The following TCF4 variants were observed in gnomAD, a reference collection of about 807,000 sequenced individuals.
TCF4 encodes the protein SL3-3 enhancer factor 2.
TCF4 carries 3 observed loss-of-function variants against 82.1 expected under a neutral mutation model. The observed-to-expected ratio is 0.04, with a 90% CI of 0.02 to 0.09. The LOEUF (loss-of-function observed/expected upper bound fraction) is 0.09, where lower values mean the gene tolerates loss of function less well. TCF4 is among the 10% of genes least tolerant of loss of function. The probability of loss-of-function intolerance (pLI) is 1.00; values close to 1 mark genes in which losing one functional copy is unlikely to be tolerated. For missense variants in TCF4, 518 were observed against 852.7 expected (o/e 0.61, Z 4.89); for synonymous variants, 276 against 309.6 (o/e 0.89, Z 1.14).
chr18:55,288,580 A>G (rs929628688), intron 8 of TCF4, among the ~76,000 whole-genome samples: 1 of 152,220 alleles, frequency 6.6e-6, no homozygotes, highest in Admixed American at 6.5e-5. Context: ...ACCAAAACCC[A>G]GCTTTGTAGA....
At chr18:55,390,923 C>A (rs905323756) in intron 6 of TCF4, among the ~76,000 whole-genome samples, 3 of 152,184 alleles carry the variant, frequency 2.0e-5, no homozygotes, top group Admixed American at 1.3e-4. Context: ...AGGACTTGCA[C>A]CCTCAAAAAA....
chr18:55,309,260 C>G (rs910582912), intron 8 of TCF4, among the ~76,000 whole-genome samples: 1 of 150,958 alleles, frequency 6.6e-6, no homozygotes, highest in African/African-American at 2.4e-5. Flanking sequence ...TATAGATGAG[C>G]GCTACCATGC....
At chr18:55,393,168 A>C (rs911192207) in intron 6 of TCF4, among the ~76,000 whole-genome samples, 1 of 152,176 alleles carries the variant, frequency 6.6e-6, no homozygotes, top group Non-Finnish European at 1.5e-5. Context: ...AATTTGAGAC[A>C]GCCTGGACAA....
chr18:55,257,730 T>C (rs1012345163), intron 13 of TCF4, among the ~76,000 whole-genome samples: 6 of 152,180 alleles, frequency 3.9e-5, no homozygotes, highest in African/African-American at 1.2e-4. Context: ...AAATGGGATT[T>C]TGTTAGACCT....
chr18:55,297,674 T>G (rs1054198149), intron 8 of TCF4, among the ~76,000 whole-genome samples: 3 of 152,110 alleles, frequency 2.0e-5, no homozygotes, highest in East Asian at 3.9e-4. Context: ...TCAAGTGTGG[T>G]CTGATGGTTG....
At chr18:55,303,259 A>ACG (rs2068969689) in intron 8 of TCF4, among the ~76,000 whole-genome samples, 1 of 149,690 alleles carries the variant, frequency 6.7e-6, no homozygotes, top group African/African-American at 2.5e-5. Context: ...ACACACACAC[A>ACG]CACACACACC....
intron 5 of TCF4, among the ~76,000 whole-genome samples, chr18:55,405,283 C>CATTA (rs2094029777): frequency 6.6e-6 from 1 of 152,172 alleles, no homozygotes. Flanking sequence ...TCAATATCAC[C>CATTA]ATTACATCAC....
At position 55,227,673 on chromosome 18, in the gene TCF4, A is replaced by AT. The variant is rs2046767304; in HGVS notation, c.*361dup. On this transcript the variant is annotated 3_prime_UTR_variant, in exon 20 of 20. Coordinates refer to ENST00000354452, the MANE Select transcript of TCF4 (RefSeq NM_001083962.2). The stretch of plus-strand genomic sequence containing the variant: ...ATTTTTTTTTCAGACTTACAAATTA[A>AT]TTATATTTTTTTTTTCCAAAAGAAG... The AT allele has an allele frequency of 6.6e-6, 1 of 152,054 alleles. No individual in the cohort carries two copies. Among genetic ancestry groups the AT allele is most frequent in the Non-Finnish European group, 1.5e-5 (1 of 67,892 alleles). 9.4% of individuals were successfully genotyped at this position (152,054 alleles called of 1,614,324 possible). A position where few individuals can be genotyped will look rare whatever the true frequency, so the allele number is the denominator to read the frequency against.
intron 3 of TCF4, among the ~76,000 whole-genome samples, chr18:55,488,943 T>C (rs953011988): frequency 2.0e-5 from 3 of 152,290 alleles, no homozygotes; most frequent in Middle Eastern, 3.4e-3. Context: ...TCTGTAATCC[T>C]CCAATTTACC....
chr18:55,391,022 T>C (rs2093038323), intron 6 of TCF4, among the ~76,000 whole-genome samples: 1 of 152,154 alleles, frequency 6.6e-6, no homozygotes, highest in Non-Finnish European at 1.5e-5. Context: ...GCTGAGACAG[T>C]TACATGGCAG....
intron 8 of TCF4, among the ~76,000 whole-genome samples, chr18:55,341,225 T>G (rs557257927): frequency 5.3e-5 from 8 of 152,346 alleles, no homozygotes; most frequent in Non-Finnish European, 1.0e-4. Flanking sequence ...AGAGACAGGC[T>G]GCCCAGGTCT....
chr18:55,580,101 T>C (rs1016722251), intron 3 of TCF4, among the ~76,000 whole-genome samples: 1 of 152,028 alleles, frequency 6.6e-6, no homozygotes, highest in Non-Finnish European at 1.5e-5. Context: ...GTTTCAACAG[T>C]TCTTGGATCC....
chr18:55,487,943 A>T (rs1384284458), intron 3 of TCF4, among the ~76,000 whole-genome samples: 2 of 152,208 alleles, frequency 1.3e-5, no homozygotes, highest in Non-Finnish European at 2.9e-5. Context: ...GCCCTTCAAA[A>T]GCCCCTGTTA....
rs577886872 is a variant in TCF4, at chr18:55,582,187, T to C, written c.145+3093A>G. The stretch of plus-strand genomic sequence containing the variant: ...ACTCATCAATAAATTATAGACTCTT[T>C]AGATGATTTTCTTTTTTTGGTAACT... On this transcript the variant is annotated intron_variant, in intron 3 of 19. Transcript: ENST00000354452. Among the ~76,000 whole-genome samples, 62 of 152,272 alleles carry C rather than the reference T, an allele frequency of 4.1e-4. 1 individual carries two copies. Among genetic ancestry groups the C allele is most frequent in the African/African-American group, 1.4e-3 (59 of 41,572 alleles).
At chr18:55,476,702 A>G (rs983764092) in intron 3 of TCF4, among the ~76,000 whole-genome samples, 1 of 152,130 alleles carries the variant, frequency 6.6e-6, no homozygotes, top group Non-Finnish European at 1.5e-5. Context: ...TCCTGGGCTC[A>G]GGCAATCCTC....
chr18:55,332,611 T>C (rs2077799999), intron 8 of TCF4, among the ~76,000 whole-genome samples: 1 of 152,240 alleles, frequency 6.6e-6, no homozygotes, highest in South Asian at 2.1e-4. Flanking sequence ...CAACTACATG[T>C]GGCCATACAC....
intron 8 of TCF4, among the ~76,000 whole-genome samples, chr18:55,323,917 C>T (rs1326241733): frequency 6.6e-5 from 10 of 152,222 alleles, no homozygotes; most frequent in South Asian, 2.1e-4. Context: ...GCTTCATCTA[C>T]GTTAAATACC....
intron 10 of TCF4, among the ~76,000 whole-genome samples, chr18:55,271,989 A>G (rs1266068557): frequency 5.9e-5 from 9 of 152,138 alleles, no homozygotes; most frequent in Admixed American, 5.9e-4. Flanking sequence ...GCAAAAATCA[A>G]AAAAAGAGGA....
At chr18:55,331,899 G>A (rs763667122) in intron 8 of TCF4, among the ~76,000 whole-genome samples, 1 of 152,188 alleles carries the variant, frequency 6.6e-6, no homozygotes, top group Non-Finnish European at 1.5e-5. Flanking sequence ...AGAAGGGGGC[G>A]TGAGGGATCT....
Sources: gnomAD v4.1 joint callset for allele counts (sites outside exome capture counted in the v4.1 genomes callset) on GRCh38, gnomAD v4.1.1 for gene constraint, MANE v1.5 for transcripts, NCBI Gene and HGNC (gene_info 2026-07-23, HGNC 2026-07-21) for gene names.